The following GSTZ1 variants were observed in gnomAD, a reference collection of about 807,000 sequenced individuals.
GSTZ1 encodes the protein glutathione S-transferase zeta 1, also known as maleylacetoacetate isomerase.
GSTZ1 carries 34 observed loss-of-function variants against 35.9 expected under a neutral mutation model. That is an observed-to-expected ratio of 0.95 (90% CI 0.72 to 1.26). The LOEUF is 1.26. Among genes scored for constraint, GSTZ1 ranks in the 50% most tolerant of loss-of-function variants. The pLI is 0.00. For synonymous variants in GSTZ1, 93 were observed against 101.2 expected (o/e 0.92, Z 0.49); for missense variants, 263 against 271.7 (o/e 0.97, Z 0.23).
Position 77,326,703 on chromosome 14 carries a change from G to A in GSTZ1, c.68-135G>A, listed in dbSNP as rs546522224. ...AGCTGAGAGAAGGGGATAGTGCCAC[G>A]GTGAGCCTTGACCACCCAGAAGTGT... On this transcript the variant is annotated intron_variant, in intron 2 of 8. Transcript: ENST00000216465. 12 of 629,858 alleles carry A rather than the reference G, an allele frequency of 1.9e-5. No homozygotes were observed. In the Middle Eastern group the frequency reaches 1.1e-3, roughly 56 times the overall value. The allele number at this position is 629,858 out of a possible 1,614,324, so 39.0% of individuals were successfully genotyped here.
chr14:77,323,981 A>G (rs1353050706), intron 1 of GSTZ1: 2 of 153,160 alleles, frequency 1.3e-5, no homozygotes, highest in Non-Finnish European at 2.9e-5. Context: ...AGGTTTGTCC[A>G]AGGTCATGCA....
intron 6 of GSTZ1, 145 bp from the exon 7 acceptor site, chr14:77,329,610 C>T: frequency 1.4e-6 from 1 of 701,080 alleles, no homozygotes; most frequent in Non-Finnish European, 2.6e-6. Context: ...TCTCTCGAGA[C>T]CTGGCTGCCA....
rs573873550 is a variant in GSTZ1, at chr14:77,326,566, G to C, written c.68-272G>C. On this transcript the variant is annotated intron_variant, in intron 2 of 8. Coordinates refer to ENST00000216465, the MANE Select transcript of GSTZ1 (RefSeq NM_145870.3). The stretch of plus-strand genomic sequence containing the variant: ...GGCATACACCTTTATCACCATCCAG[G>C]GGGCATGAGGGCCCCATTGGGGGGG... 9.7e-4 allele frequency: 412 copies of C among 422,876 alleles called. 2 individuals carry two copies. Among genetic ancestry groups the C allele is most frequent in the Non-Finnish European group, 1.4e-3 (329 of 227,306 alleles). The allele number at this position is 422,876 out of a possible 1,614,324, so 26.2% of individuals were successfully genotyped here.
At position 77,327,491 on chromosome 14, in the gene GSTZ1, C is replaced by A; in HGVS notation, c.155C>A (p.Ala52Glu). 6.2e-7 allele frequency: 1 copy of A among 1,607,574 alleles called. No homozygotes were observed. The highest frequency in any genetic ancestry group is 8.5e-7 in the Non-Finnish European group (1 of 1,176,302). ...CCACAGTTTTCTAAGGACTTCCAGG[C>A]ACTGAATCCTATGAAGCAGGTGCCA... ...GGQQFSKDFQALNPMKQVPTL... is the reference protein window; with the variant it reads ...GGQQFSKDFQELNPMKQVPTL... The change falls in exon 4 of 9, where the codon GCA becomes GAA. Residue 52 changes from alanine to glutamate, a missense_variant. Physicochemically the swap from Ala to Glu is moderately radical, Grantham distance 107. Coordinates refer to ENST00000216465, the MANE Select transcript of GSTZ1 (RefSeq NM_145870.3).
intron 1 of GSTZ1, 147 bp downstream of exon 1, chr14:77,321,330 C>T (rs1345910684): frequency 6.5e-6 from 10 of 1,530,992 alleles, no homozygotes; most frequent in Admixed American, 2.0e-5. Flanking sequence ...TCTGCGCCTG[C>T]GTGCTGCGCG....
rs1297776891 is a variant in GSTZ1, at chr14:77,330,293, A to C, written c.475-17A>C. On this transcript the variant is annotated splice_polypyrimidine_tract_variant and intron_variant, in intron 7 of 8. Transcript: ENST00000216465. Reference sequence around the variant, plus strand: ...GGGGTATGCACCCTGATGGGAACCCACCGGGACCTCTTTCAGGTGACCATG... The same window carrying C: ...GGGGTATGCACCCTGATGGGAACCCCCCGGGACCTCTTTCAGGTGACCATG... 7 of 1,607,746 alleles carry C rather than the reference A, an allele frequency of 4.4e-6. No homozygotes were observed. Among genetic ancestry groups the C allele is most frequent in the Non-Finnish European group, 6.0e-6 (7 of 1,174,334 alleles).
At chr14:77,321,264 C>T (rs775549096) in intron 1 of GSTZ1, 81 bp downstream of exon 1, 3 of 1,526,174 alleles carry the variant, frequency 2.0e-6, no homozygotes, top group Non-Finnish European at 2.7e-6. Flanking sequence ...GTGAGCTGCA[C>T]CGCCCGCCCA....
chr14:77,324,727 G>A, intron 1 of GSTZ1, 143 bp from the exon 2 acceptor site: 2 of 1,133,774 alleles, frequency 1.8e-6, no homozygotes, highest in African/African-American at 1.5e-5. Context: ...GAGCCTCTCA[G>A]AGAGCTTGGA....
chr14:77,329,059 T>C, intron 5 of GSTZ1, 64 bp from the exon 6 acceptor site: 1 of 1,154,768 alleles, frequency 8.7e-7, no homozygotes, highest in Non-Finnish European at 1.3e-6. Context: ...CTGAGGGGGT[T>C]TGGCGAAGGG....
rs145440277 is a variant in GSTZ1 at position 77,331,484 on chromosome 14, C to T, written c.*289C>T. The T allele has an allele frequency of 5.5e-4, 192 of 351,698 alleles. 2 individuals are homozygous for T. In the South Asian group the frequency reaches 6.6e-3, roughly 12 times the overall value. 21.8% of individuals were successfully genotyped at this position (351,698 alleles called of 1,614,324 possible). On this transcript the variant is annotated 3_prime_UTR_variant, in exon 9 of 9. Transcript: ENST00000216465. ...GGATTAAAATGCCTGGCGTGCTCAC[C>T]GTAACACCACGGGGAAGGCTGTGTG...
intron 5 of GSTZ1, chr14:77,328,817 G>A: frequency 2.4e-6 from 1 of 424,350 alleles, no homozygotes; most frequent in South Asian, 2.5e-5. Flanking sequence ...CTCGAGTTGT[G>A]GGCACACCTG....
At position 77,321,237 on chromosome 14, in the gene GSTZ1, G is replaced by T. The variant is rs752080608; in HGVS notation, c.15+54G>T. ...AGCTGGTTAGACACCTGGAGACCCT[G>T]GGGGGCGGGGTCAGAAGTGAGCTGC... On this transcript the variant is annotated intron_variant, in intron 1 of 8. Coordinates refer to ENST00000216465, the MANE Select transcript of GSTZ1 (RefSeq NM_145870.3). 3 of 1,532,942 alleles carry T rather than the reference G, an allele frequency of 2.0e-6. No homozygotes were observed. The East Asian group carries it at 7.4e-5, about 38-fold the overall frequency. The allele number at this position is 1,532,942 out of a possible 1,614,324, so 95.0% of individuals were successfully genotyped here.
At chr14:77,326,664 G>A (rs1474092029) in intron 2 of GSTZ1, 174 bp from the exon 3 acceptor site, 3 of 581,042 alleles carry the variant, frequency 5.2e-6, no homozygotes, top group Non-Finnish European at 9.3e-6. Flanking sequence ...TAGGGAGCAC[G>A]TGGTGACAAG....
intron 1 of GSTZ1, chr14:77,324,500 CT>C (rs1892203154): frequency 8.9e-6 from 9 of 1,015,856 alleles, no homozygotes; most frequent in Non-Finnish European, 1.3e-5. Flanking sequence ...GGTAGCCCAG[CT>C]TCCCCATTGG....
chr14:77,321,284 C>T lies in GSTZ1; in HGVS notation c.15+101C>T, dbSNP rs543914673. ...CTGCACCGCCCGCCCAGGCCGACAACGACTCCCGGCATGCAGTGCTTTGCG... is the reference window on the plus strand; with the variant it reads ...CTGCACCGCCCGCCCAGGCCGACAATGACTCCCGGCATGCAGTGCTTTGCG... On this transcript the variant is annotated intron_variant, in intron 1 of 8. Transcript: ENST00000216465. 18 of 1,519,848 alleles carry T rather than the reference C, an allele frequency of 1.2e-5. No homozygotes were observed. The South Asian group carries it at 1.6e-4, about 13-fold the overall frequency. 94.1% of individuals were successfully genotyped at this position (1,519,848 alleles called of 1,614,324 possible).
At chr14:77,324,691 A>C in intron 1 of GSTZ1, 179 bp from the exon 2 acceptor site, 1 of 1,278,892 alleles carries the variant, frequency 7.8e-7, no homozygotes, top group Non-Finnish European at 1.1e-6. Context: ...TCAAACCAGC[A>C]TAATTTTGGA....
At chr14:77,328,217 C>G (rs960674002) in intron 5 of GSTZ1, 180 bp downstream of exon 5, 1 of 647,564 alleles carries the variant, frequency 1.5e-6, no homozygotes, top group Non-Finnish European at 2.6e-6. Context: ...ATTCAGCCCC[C>G]CAGCGGGTCC....
Position 77,321,130 on chromosome 14 carries a change from G to C in GSTZ1, c.-39G>C, listed in dbSNP as rs12441. ...GTCGTCGGCAGGTCCCAGGCGCGAA[G>C]TTTCTCGGCCTGGAGGAGGGGGTCG... is the stretch of plus-strand genomic sequence containing the variant. On this transcript the variant is annotated 5_prime_UTR_variant, in exon 1 of 9. Coordinates refer to ENST00000216465, the MANE Select transcript of GSTZ1 (RefSeq NM_145870.3). 174 of 1,444,768 alleles carry C rather than the reference G, an allele frequency of 1.2e-4. 2 individuals are homozygous for C. The African/African-American group carries it at 2.3e-3, about 19-fold the overall frequency. The allele number at this position is 1,444,768 out of a possible 1,614,324, so 89.5% of individuals were successfully genotyped here.
chr14:77,321,206 G>T, intron 1 of GSTZ1, 23 bp downstream of exon 1: 1 of 1,500,736 alleles, frequency 6.7e-7, no homozygotes, highest in Non-Finnish European at 8.9e-7. Context: ...CACCCGGGTG[G>T]AGGGAAGCTG....
Sources: allele counts gnomAD v4.1 joint callset, GRCh38; gene constraint gnomAD v4.1.1; transcripts MANE v1.5; gene names NCBI Gene and HGNC (gene_info 2026-07-23, HGNC 2026-07-21).